IQCM: variants seen among roughly 807,000 people sequenced by gnomAD.
IQCM encodes IQ motif containing M.
IQCM carries 45 observed loss-of-function variants against 57.6 expected under a neutral mutation model. That is an observed-to-expected ratio of 0.78 (90% CI 0.62 to 1.00). The LOEUF is 1.00. IQCM is among the 50% of genes least tolerant of loss of function. The pLI is 0.00. For synonymous variants in IQCM, 148 were observed against 158.9 expected, an observed-to-expected ratio of 0.93 and a Z score of 0.51; for missense variants, 468 against 511.6, an observed-to-expected ratio of 0.91 and a Z score of 0.82.
chr4:149,515,492 C>T (rs568167686), intron 12 of IQCM, among the ~76,000 whole-genome samples: 1 of 152,286 alleles, frequency 6.6e-6, no homozygotes, highest in South Asian at 2.1e-4. Flanking sequence ...CAGCCTGCAC[C>T]AATGCTCTCA....
chr4:149,777,179 A>G (rs1321488956), intron 2 of IQCM, among the ~76,000 whole-genome samples: 1 of 152,216 alleles, frequency 6.6e-6, no homozygotes, highest in Non-Finnish European at 1.5e-5. Context: ...CAGGACAAAG[A>G]GACTGTCTGA....
chr4:149,758,850 T>C (rs1194743295), intron 2 of IQCM, among the ~76,000 whole-genome samples: 1 of 152,134 alleles, frequency 6.6e-6, no homozygotes, highest in Admixed American at 6.5e-5. Context: ...TCATTGCTGG[T>C]GGGAATGCGA....
At position 149,686,391 on chromosome 4, in the gene IQCM, A is replaced by G; in HGVS notation, c.463T>C (p.Phe155Leu). ...ATTATACATTACCTGGACTCCTCAA[A>G]GTGCTGTTGCTTTGCTGTCTCCATT... ...KKMETAKQQH[F>L]EESRNRMLEL... is the part of the protein sequence containing the mutation. Residue 155 changes from phenylalanine to leucine, a missense_variant, in exon 6 of 14, where the codon TTT becomes CTT. Coordinates refer to ENST00000636793, the MANE Select transcript of IQCM (RefSeq NM_001363507.2). 8.2e-7 allele frequency: 1 copy of G among 1,219,370 alleles called. No individual in the cohort carries two copies. The highest frequency in any genetic ancestry group is 4.1e-5 in the South Asian group (1 of 24,118). 75.5% of individuals were successfully genotyped at this position (1,219,370 alleles called of 1,614,324 possible).
intron 13 of IQCM, among the ~76,000 whole-genome samples, chr4:149,416,552 A>G (rs1331740085): frequency 6.6e-6 from 1 of 152,072 alleles, no homozygotes; most frequent in Non-Finnish European, 1.5e-5. Context: ...TTATTAGTCA[A>G]TGCTGTCTAG....
At chr4:149,780,184 A>G (rs1439917711) in intron 2 of IQCM, 2 of 152,152 alleles carry the variant, frequency 1.3e-5, no homozygotes, top group Non-Finnish European at 2.9e-5. Context: ...GTGAGGAGTA[A>G]TTAGAAATGT....
chr4:149,782,394 G>A (rs1771685665), intron 2 of IQCM, among the ~76,000 whole-genome samples: 1 of 151,778 alleles, frequency 6.6e-6, no homozygotes, highest in African/African-American at 2.4e-5. Flanking sequence ...AAAATAAGAT[G>A]GTAAGAAAAT....
At chr4:149,707,520 T>A (rs1295835130) in intron 5 of IQCM, among the ~76,000 whole-genome samples, 1 of 151,916 alleles carries the variant, frequency 6.6e-6, no homozygotes, top group Non-Finnish European at 1.5e-5. Flanking sequence ...CAGGGCATCC[T>A]TGAGGAATGA....
intron 7 of IQCM, among the ~76,000 whole-genome samples, chr4:149,625,316 T>G (rs751677025): frequency 2.0e-5 from 3 of 152,242 alleles, no homozygotes; most frequent in Non-Finnish European, 4.4e-5. Context: ...TATAATAAGT[T>G]GTTTCCAAAA....
chr4:149,570,865 A>G (rs1751088426), intron 9 of IQCM, among the ~76,000 whole-genome samples: 1 of 152,128 alleles, frequency 6.6e-6, no homozygotes, highest in Non-Finnish European at 1.5e-5. Flanking sequence ...CCTAAAGAAG[A>G]CATACAAATT....
chr4:149,551,995 G>C (rs904949372), intron 11 of IQCM, among the ~76,000 whole-genome samples: 1 of 151,988 alleles, frequency 6.6e-6, no homozygotes, highest in Non-Finnish European at 1.5e-5. Flanking sequence ...GGCTGGGCTG[G>C]ATGAATTGAT....
chr4:149,617,398 A>C (rs552425078), intron 8 of IQCM, among the ~76,000 whole-genome samples: 1 of 152,326 alleles, frequency 6.6e-6, no homozygotes, highest in South Asian at 2.1e-4. Context: ...CAGTGGTGAA[A>C]ATTGAAAATG....
At chr4:149,702,936 C>T (rs1763877402) in intron 5 of IQCM, among the ~76,000 whole-genome samples, 1 of 151,872 alleles carries the variant, frequency 6.6e-6, no homozygotes, top group Non-Finnish European at 1.5e-5. Context: ...AAAAGGCCTA[C>T]TTGAGTTTCA....
At chr4:149,763,970 T>A (rs1580235063) in intron 2 of IQCM, among the ~76,000 whole-genome samples, 1 of 151,144 alleles carries the variant, frequency 6.6e-6, no homozygotes, top group Middle Eastern at 3.4e-3. Context: ...AAGATGCATT[T>A]AAAAAAAACA....
At chr4:149,529,402 C>T (rs530064572) in intron 12 of IQCM, among the ~76,000 whole-genome samples, 1 of 152,244 alleles carries the variant, frequency 6.6e-6, no homozygotes, top group Non-Finnish European at 1.5e-5. Context: ...TTTGTCATTC[C>T]AAATATTCTG....
chr4:149,473,712 C>T (rs1230746052), intron 12 of IQCM, among the ~76,000 whole-genome samples: 2 of 152,152 alleles, frequency 1.3e-5, no homozygotes, highest in Non-Finnish European at 2.9e-5. Context: ...ATAGCAAAGA[C>T]TTGGAACCAA....
At chr4:149,400,920 A>G (rs1467705834) in intron 13 of IQCM, among the ~76,000 whole-genome samples, 2 of 151,874 alleles carry the variant, frequency 1.3e-5, no homozygotes, top group Non-Finnish European at 2.9e-5. Context: ...AGGAAACCAG[A>G]GTGCCCTGTC....
At chr4:149,480,913 G>C (rs1052107088) in intron 12 of IQCM, among the ~76,000 whole-genome samples, 1 of 152,074 alleles carries the variant, frequency 6.6e-6, no homozygotes, top group African/African-American at 2.4e-5. Flanking sequence ...ATCCTTGCTA[G>C]TGTTTGTTAT....
At chr4:149,767,590 G>A (rs1054347439) in intron 2 of IQCM, among the ~76,000 whole-genome samples, 9 of 152,040 alleles carry the variant, frequency 5.9e-5, no homozygotes, top group Non-Finnish European at 7.4e-5. Flanking sequence ...CATCAGTATT[G>A]GAGGATAATA....
intron 13 of IQCM, among the ~76,000 whole-genome samples, chr4:149,355,092 T>C (rs1287636621): frequency 6.6e-6 from 1 of 152,148 alleles, no homozygotes; most frequent in African/African-American, 2.4e-5. Context: ...ATCTACCCTA[T>C]GATATCATAA....
Sources: allele counts gnomAD v4.1 joint callset (sites outside exome capture counted in the v4.1 genomes callset), GRCh38; gene constraint gnomAD v4.1.1; transcripts MANE v1.5; gene names NCBI Gene and HGNC (gene_info 2026-07-23, HGNC 2026-07-21).